Variants in MAN1A2 observed in about 807,000 individuals in gnomAD.
MAN1A2 encodes mannosidase alpha class 1A member 2, also known as mannosyl-oligosaccharide 1,2-alpha-mannosidase IB.
In MAN1A2, 26 loss-of-function variants were observed where a neutral mutation model predicts 75.7. That is an observed-to-expected ratio of 0.34 (90% CI 0.25 to 0.48). The LOEUF (loss-of-function observed/expected upper bound fraction) is 0.48, where lower values mean the gene tolerates loss of function less well. MAN1A2 is among the 20% of genes least tolerant of loss of function. The probability of loss-of-function intolerance (pLI) is 0.99; values close to 1 mark genes in which losing one functional copy is unlikely to be tolerated. For synonymous variants in MAN1A2, 247 were observed against 264.6 expected (o/e 0.93, Z 0.65); for missense variants, 562 against 775.5 (o/e 0.72, Z 3.27).
At chr1:117,508,963 C>CT (rs1179589912) in intron 12 of MAN1A2, among the ~76,000 whole-genome samples, 2 of 151,016 alleles carry the variant, frequency 1.3e-5, no homozygotes, top group African/African-American at 4.9e-5. Flanking sequence ...AGTACCAAAA[C>CT]TAAGTTTCTA....
chr1:117,490,762 A>G (rs1467450298), intron 8 of MAN1A2, among the ~76,000 whole-genome samples: 1 of 152,114 alleles, frequency 6.6e-6, no homozygotes, highest in African/African-American at 2.4e-5. Flanking sequence ...AAGGAAAGGA[A>G]AAGTTCTTGA....
At chr1:117,414,064 T>TATGTG (rs1274896172) in intron 3 of MAN1A2, among the ~76,000 whole-genome samples, 2 of 151,932 alleles carry the variant, frequency 1.3e-5, no homozygotes. Context: ...GAACATTTTT[T>TATGTG]TAATGATAAG....
chr1:117,368,962 A>T (rs770845690), intron 1 of MAN1A2, among the ~76,000 whole-genome samples: 1 of 152,152 alleles, frequency 6.6e-6, no homozygotes, highest in Non-Finnish European at 1.5e-5. Flanking sequence ...GAAGCTTAGT[A>T]GTGAGTCAGC....
chr1:117,472,456 A>G (rs1323303593), intron 8 of MAN1A2, among the ~76,000 whole-genome samples: 1 of 152,074 alleles, frequency 6.6e-6, no homozygotes, highest in African/African-American at 2.4e-5. Context: ...CCACTGTTCC[A>G]GATGCTAGGT....
At chr1:117,464,413 T>C (rs1649923551) in intron 7 of MAN1A2, among the ~76,000 whole-genome samples, 1 of 150,618 alleles carries the variant, frequency 6.6e-6, no homozygotes, top group Non-Finnish European at 1.5e-5. Context: ...TAAGGGATAC[T>C]TGATGCTTCA....
At chr1:117,402,119 T>C in intron 1 of MAN1A2, 67 bp from the exon 2 acceptor site, 2 of 1,473,516 alleles carry the variant, frequency 1.4e-6, no homozygotes, top group Middle Eastern at 4.3e-4. Flanking sequence ...CCTTTATGTT[T>C]TATATTTAAA....
chr1:117,438,463 A>G (rs1648921775), intron 5 of MAN1A2, among the ~76,000 whole-genome samples: 1 of 152,174 alleles, frequency 6.6e-6, no homozygotes, highest in Non-Finnish European at 1.5e-5. Context: ...ATTTTGAAGG[A>G]TAATTGTAAA....
At chr1:117,373,068 G>A (rs1403137351) in intron 1 of MAN1A2, among the ~76,000 whole-genome samples, 1 of 152,082 alleles carries the variant, frequency 6.6e-6, no homozygotes, top group African/African-American at 2.4e-5. Context: ...AGTTATATAT[G>A]ACTATTGCAC....
At chr1:117,440,011 A>T (rs984328653) in intron 5 of MAN1A2, among the ~76,000 whole-genome samples, 1 of 152,236 alleles carries the variant, frequency 6.6e-6, no homozygotes, top group Non-Finnish European at 1.5e-5. Context: ...AACAAATTAA[A>T]TGTCCATTAA....
chr1:117,500,141 C>T (rs1651156331), intron 11 of MAN1A2, among the ~76,000 whole-genome samples: 1 of 151,744 alleles, frequency 6.6e-6, no homozygotes, highest in African/African-American at 2.4e-5. Context: ...GTAAAGCGAA[C>T]GTTTCACAGT....
chr1:117,522,144 GT>G (rs1406845105), intron 12 of MAN1A2, among the ~76,000 whole-genome samples: 2 of 151,922 alleles, frequency 1.3e-5, no homozygotes, highest in South Asian at 2.1e-4. Context: ...ACTTACTCAT[GT>G]AACCAAATAC....
chr1:117,407,912 G>C (rs1384606072), intron 3 of MAN1A2, among the ~76,000 whole-genome samples: 2 of 152,118 alleles, frequency 1.3e-5, no homozygotes, highest in Admixed American at 1.3e-4. Flanking sequence ...GAGAGCACTC[G>C]GATGTCTTAG....
intron 1 of MAN1A2, among the ~76,000 whole-genome samples, chr1:117,398,717 C>T (rs1209747309): frequency 6.7e-6 from 1 of 149,886 alleles, no homozygotes; most frequent in African/African-American, 2.5e-5. Flanking sequence ...GGCTGTAGAA[C>T]AGAGAGCTAG....
chr1:117,413,547 C>T (rs1454429354), intron 3 of MAN1A2, among the ~76,000 whole-genome samples: 1 of 151,886 alleles, frequency 6.6e-6, no homozygotes, highest in Non-Finnish European at 1.5e-5. Context: ...AGATCACTAC[C>T]TCGCTGGAGT....
chr1:117,402,843 T>C (rs1428144968), intron 2 of MAN1A2, among the ~76,000 whole-genome samples: 1 of 152,140 alleles, frequency 6.6e-6, no homozygotes, highest in Non-Finnish European at 1.5e-5. Flanking sequence ...GAGCTAGCAT[T>C]ATATCTCCAA....
At chr1:117,386,230 G>C (rs2101732735) in intron 1 of MAN1A2, among the ~76,000 whole-genome samples, 1 of 152,314 alleles carries the variant, frequency 6.6e-6, no homozygotes, top group African/African-American at 2.4e-5. Flanking sequence ...AGGGGATGAA[G>C]TTTTTATTTG....
intron 12 of MAN1A2, among the ~76,000 whole-genome samples, chr1:117,520,125 G>A (rs1308991223): frequency 1.3e-5 from 2 of 152,022 alleles, no homozygotes; most frequent in East Asian, 1.9e-4. Flanking sequence ...TCCAGCATCC[G>A]TTTTATGATT....
At chr1:117,371,693 T>C (rs1244923185) in intron 1 of MAN1A2, among the ~76,000 whole-genome samples, 4 of 152,124 alleles carry the variant, frequency 2.6e-5, no homozygotes, top group Non-Finnish European at 2.9e-5. Context: ...GTCTGGGTGA[T>C]GAGACTAGAT....
At chr1:117,380,178 G>A (rs930290969) in intron 1 of MAN1A2, among the ~76,000 whole-genome samples, 5 of 152,064 alleles carry the variant, frequency 3.3e-5, no homozygotes, top group Non-Finnish European at 5.9e-5. Flanking sequence ...CCATCCTAGT[G>A]TCTATGAAGT....
Sources: allele counts gnomAD v4.1 joint callset (sites outside exome capture counted in the v4.1 genomes callset), GRCh38; gene constraint gnomAD v4.1.1; transcripts MANE v1.5; gene names NCBI Gene and HGNC (gene_info 2026-07-23, HGNC 2026-07-21).